Variants in DIS3L2 observed in about 807,000 individuals in gnomAD.
The protein encoded by DIS3L2 is DIS3-like exonuclease 2.
DIS3L2 carries 34 observed loss-of-function variants against 97.5 expected under a neutral mutation model. The ratio of observed to expected loss-of-function variants is 0.35; its 90% CI spans 0.27 to 0.46. DIS3L2 has a LOEUF of 0.46. Ranked by LOEUF, DIS3L2 falls within the 20% of genes least tolerant of loss-of-function variation. The pLI is 1.00. For missense variants in DIS3L2, 1,038 were observed against 1,146.0 expected (o/e 0.91, Z 1.36); for synonymous variants, 435 against 445.2 (o/e 0.98, Z 0.29).
chr2:232,322,545 T>C (rs1695464658), intron 14 of DIS3L2, among the ~76,000 whole-genome samples: 1 of 152,210 alleles, frequency 6.6e-6, no homozygotes, highest in South Asian at 2.1e-4. Flanking sequence ...TCTACGCTTG[T>C]TTCCCTGCAG....
intron 13 of DIS3L2, among the ~76,000 whole-genome samples, chr2:232,286,697 A>G (rs1482407412): frequency 6.6e-6 from 1 of 152,226 alleles, no homozygotes; most frequent in Non-Finnish European, 1.5e-5. Context: ...AAGAGATTAC[A>G]TACTAACAGG....
chr2:232,304,174 T>C lies in DIS3L2; in HGVS notation c.1739+4055T>C, dbSNP rs1301542860. Reference sequence around the variant, plus strand: ...CGGGTGGTGACTGGTTTTTTTTTTTTCTCTGTTGCAGAAAACTTTACCTGT... The same window carrying C: ...CGGGTGGTGACTGGTTTTTTTTTTTCCTCTGTTGCAGAAAACTTTACCTGT... On this transcript the variant is annotated intron_variant, in intron 14 of 20. Transcript: ENST00000325385. 2.6e-5 allele frequency among the ~76,000 whole-genome samples: 4 copies of C among 151,774 alleles called. No individual in the cohort carries two copies. The East Asian group carries it at 5.8e-4, about 22-fold the overall frequency.
intron 10 of DIS3L2, among the ~76,000 whole-genome samples, chr2:232,218,233 C>T (rs182784578): frequency 2.0e-5 from 3 of 152,210 alleles, no homozygotes; most frequent in East Asian, 1.9e-4. Context: ...AGCGAGGAAC[C>T]GCGGATGAAC....
chr2:231,967,921 A>G (rs895587119), intron 1 of DIS3L2, among the ~76,000 whole-genome samples: 2 of 152,090 alleles, frequency 1.3e-5, no homozygotes, highest in Non-Finnish European at 2.9e-5. Context: ...TTGATTTAAG[A>G]CTGATTTATT....
chr2:232,062,920 C>T (rs1308387223), intron 5 of DIS3L2, among the ~76,000 whole-genome samples: 1 of 152,138 alleles, frequency 6.6e-6, no homozygotes, highest in African/African-American at 2.4e-5. Context: ...TCTAACACAA[C>T]ACCATAGGGT....
At chr2:232,181,997 T>C (rs1212073337) in intron 9 of DIS3L2, among the ~76,000 whole-genome samples, 1 of 152,174 alleles carries the variant, frequency 6.6e-6, no homozygotes, top group East Asian at 1.9e-4. Flanking sequence ...GGTTTCATCA[T>C]GTCACCTAGG....
chr2:232,252,862 C>T (rs1398678689), intron 12 of DIS3L2, among the ~76,000 whole-genome samples: 1 of 151,920 alleles, frequency 6.6e-6, no homozygotes, highest in Non-Finnish European at 1.5e-5. Flanking sequence ...GATCACGCCA[C>T]GCAATCCCAG....
At chr2:232,200,393 A>G (rs1691857270) in intron 9 of DIS3L2, among the ~76,000 whole-genome samples, 1 of 152,176 alleles carries the variant, frequency 6.6e-6, no homozygotes, top group South Asian at 2.1e-4. Context: ...TGCCATTCCC[A>G]CCAGAAGGAA....
intron 12 of DIS3L2, among the ~76,000 whole-genome samples, chr2:232,256,046 G>A (rs1484545940): frequency 2.6e-5 from 4 of 152,076 alleles, no homozygotes; most frequent in African/African-American, 4.8e-5. Flanking sequence ...CTTGCCCCAC[G>A]TCATCTCCTC....
At chr2:232,012,543 C>T (rs967864139) in intron 1 of DIS3L2, among the ~76,000 whole-genome samples, 6 of 149,422 alleles carry the variant, frequency 4.0e-5, no homozygotes, top group African/African-American at 9.7e-5. Flanking sequence ...CTCGCCCCAA[C>T]CAAGGCTGCC....
At position 232,196,648 on chromosome 2, in the gene DIS3L2, C is replaced by G. The variant is rs555078700; in HGVS notation, c.1125-13678C>G. 4.0e-5 allele frequency among the ~76,000 whole-genome samples: 6 copies of G among 151,892 alleles called. No individual in the cohort carries two copies. In the South Asian group the frequency reaches 1.3e-3, roughly 32 times the overall value. On this transcript the variant is annotated intron_variant, in intron 9 of 20. Coordinates refer to ENST00000325385, the MANE Select transcript of DIS3L2 (RefSeq NM_152383.5). ...GAAAGATTCATTGTTGTGGACTCTCCCTTTGAAAGAGACCACTTTATCTTG... is the reference window on the plus strand; with the variant it reads ...GAAAGATTCATTGTTGTGGACTCTCGCTTTGAAAGAGACCACTTTATCTTG...
chr2:232,142,618 C>G (rs936410454), intron 8 of DIS3L2, among the ~76,000 whole-genome samples: 1 of 152,122 alleles, frequency 6.6e-6, no homozygotes, highest in East Asian at 1.9e-4. Flanking sequence ...GTATTGTTGA[C>G]TCTTACTTCT....
chr2:232,065,716 G>A (rs2106280991), intron 5 of DIS3L2, among the ~76,000 whole-genome samples: 1 of 152,004 alleles, frequency 6.6e-6, no homozygotes, highest in South Asian at 2.1e-4. Context: ...TATGCATAAA[G>A]CCTATTTGGA....
chr2:232,286,180 CT>C (rs967027337), intron 13 of DIS3L2, among the ~76,000 whole-genome samples: 59 of 152,236 alleles, frequency 3.9e-4, no homozygotes, highest in African/African-American at 1.3e-3. Context: ...GCCTTGGAAG[CT>C]TTTTTTCAGT....
intron 1 of DIS3L2, among the ~76,000 whole-genome samples, chr2:232,010,264 G>T (rs1395263800): frequency 6.6e-6 from 1 of 151,716 alleles, no homozygotes; most frequent in African/African-American, 2.4e-5. Context: ...CCTTTCCCCT[G>T]CCCCCTCCCT....
intron 6 of DIS3L2, among the ~76,000 whole-genome samples, chr2:232,088,152 G>C (rs1192433048): frequency 1.3e-5 from 2 of 152,158 alleles, no homozygotes; most frequent in Admixed American, 6.5e-5. Context: ...TGTAATCCCA[G>C]CACTTTGGGA....
intron 5 of DIS3L2, among the ~76,000 whole-genome samples, chr2:232,051,810 T>TAA (rs1695412314): frequency 5.5e-5 from 1 of 18,348 alleles, no homozygotes; most frequent in Non-Finnish European, 9.2e-5. Context: ...AGACTCCGTC[T>TAA]CAAAAAAAAA....
At chr2:232,335,941 C>T (rs1695929964) in intron 20 of DIS3L2, 67 bp downstream of exon 20, 1 of 1,546,336 alleles carries the variant, frequency 6.5e-7, no homozygotes, top group Non-Finnish European at 8.7e-7. Flanking sequence ...CTGCGGTGCC[C>T]CTCATTCCTT....
At chr2:232,212,726 G>T (rs1228093512) in intron 10 of DIS3L2, among the ~76,000 whole-genome samples, 6 of 152,162 alleles carry the variant, frequency 3.9e-5, no homozygotes, top group African/African-American at 1.4e-4. Context: ...GAAACTAGAG[G>T]CTGGGGAATG....
Sources: gnomAD v4.1 joint callset for allele counts (sites outside exome capture counted in the v4.1 genomes callset) on GRCh38, gnomAD v4.1.1 for gene constraint, MANE v1.5 for transcripts, NCBI Gene and HGNC (gene_info 2026-07-23, HGNC 2026-07-21) for gene names.